The following ATP13A5 variants were observed in gnomAD, a reference collection of about 807,000 sequenced individuals.
The protein encoded by ATP13A5 is ATPase 13A5, also known as probable cation-transporting ATPase 13A5.
Under a neutral mutation model 150.2 loss-of-function variants are expected in ATP13A5, and 149 were observed. That is an observed-to-expected ratio of 0.99 (90% CI 0.87 to 1.14). ATP13A5 has a LOEUF of 1.14. Ranked by LOEUF, ATP13A5 falls within the 50% of genes most tolerant of loss-of-function variation. ATP13A5 has a pLI of 0.00. For synonymous variants in ATP13A5, 497 were observed against 522.2 expected (o/e 0.95, Z 0.66); for missense variants, 1,383 against 1,449.3 (o/e 0.95, Z 0.74).
At chr3:193,276,129 G>A (rs1329046538) in intron 29 of ATP13A5, among the ~76,000 whole-genome samples, 4 of 151,878 alleles carry the variant, frequency 2.6e-5, no homozygotes, top group Admixed American at 2.6e-4. Flanking sequence ...TATATAATGA[G>A]GTGTATATAT....
chr3:193,303,993 G>A (rs1718513549), intron 23 of ATP13A5, among the ~76,000 whole-genome samples: 1 of 151,834 alleles, frequency 6.6e-6, no homozygotes, highest in Non-Finnish European at 1.5e-5. Flanking sequence ...AAGCACACTT[G>A]TAAAGAGCTC....
At chr3:193,372,028 C>T (rs189074074) in intron 1 of ATP13A5, among the ~76,000 whole-genome samples, 4 of 151,884 alleles carry the variant, frequency 2.6e-5, no homozygotes, top group East Asian at 3.9e-4. Context: ...CTGGCAGGTG[C>T]GGTGGCTCAC....
chr3:193,305,180 A>G (rs1424473147), intron 23 of ATP13A5, among the ~76,000 whole-genome samples: 1 of 152,178 alleles, frequency 6.6e-6, no homozygotes, highest in Non-Finnish European at 1.5e-5. Context: ...GTATTTAGGG[A>G]AGCTATCTAA....
intron 1 of ATP13A5, among the ~76,000 whole-genome samples, chr3:193,374,605 A>G (rs1713572762): frequency 1.4e-5 from 2 of 147,712 alleles, no homozygotes; most frequent in Admixed American, 1.4e-4. Flanking sequence ...TGATCACACC[A>G]CTGCACTCCA....
intron 28 of ATP13A5, 74 bp from the exon 29 acceptor site, chr3:193,276,904 AT>A (rs1717242292): frequency 1.3e-5 from 14 of 1,103,164 alleles, no homozygotes; most frequent in Non-Finnish European, 1.8e-5. Flanking sequence ...TAATTATTTA[AT>A]TTATAGATTT....
At chr3:193,304,211 T>C (rs1718521777) in intron 23 of ATP13A5, among the ~76,000 whole-genome samples, 1 of 152,064 alleles carries the variant, frequency 6.6e-6, no homozygotes, top group Non-Finnish European at 1.5e-5. Context: ...ACTCTAAGGG[T>C]CTGAACCTCA....
intron 25 of ATP13A5, among the ~76,000 whole-genome samples, chr3:193,297,161 T>G (rs1043828340): frequency 1.3e-5 from 2 of 151,966 alleles, no homozygotes; most frequent in East Asian, 1.9e-4. Context: ...TAAAAATAAG[T>G]CCTTTCTTCT....
intron 17 of ATP13A5, among the ~76,000 whole-genome samples, chr3:193,316,889 A>G (rs553750485): frequency 1.3e-5 from 2 of 152,342 alleles, no homozygotes; most frequent in South Asian, 4.1e-4. Flanking sequence ...AAAATGGATT[A>G]AACACTTAAA....
chr3:193,348,914 C>T (rs185684514), intron 7 of ATP13A5, among the ~76,000 whole-genome samples: 15 of 152,252 alleles, frequency 9.9e-5, no homozygotes, highest in Non-Finnish European at 1.5e-5. Flanking sequence ...GGGCTAAGGC[C>T]ACTGTTACTG....
chr3:193,364,839 T>G (rs1220493888), intron 1 of ATP13A5, among the ~76,000 whole-genome samples: 3 of 152,182 alleles, frequency 2.0e-5, no homozygotes, highest in Non-Finnish European at 4.4e-5. Flanking sequence ...AAGGAATTAC[T>G]CGTGGATATG....
chr3:193,308,355 A>G (rs1241911667), intron 21 of ATP13A5, among the ~76,000 whole-genome samples: 4 of 152,082 alleles, frequency 2.6e-5, no homozygotes, highest in African/African-American at 7.2e-5. Context: ...GCTACTTGGG[A>G]GGCTGAGGCA....
In ATP13A5 at chr3:193,364,287, A is replaced by C; in HGVS notation, c.64-7T>G. 1 of 1,602,406 alleles carries C rather than the reference A, an allele frequency of 6.2e-7. No homozygotes were observed. Among genetic ancestry groups the C allele is most frequent in the Non-Finnish European group, 8.5e-7 (1 of 1,174,356 alleles). On this transcript the variant is annotated splice_polypyrimidine_tract_variant and splice_region_variant and intron_variant, in intron 1 of 29. Transcript: ENST00000342358. ...CCCGGTAACCAAACACCTCCTGGAG[A>C]ATAAATTTAAAAGATCGCTCTATTT...
intron 13 of ATP13A5, among the ~76,000 whole-genome samples, chr3:193,326,177 C>T (rs976979574): frequency 1.3e-5 from 2 of 152,174 alleles, no homozygotes; most frequent in Admixed American, 1.3e-4. Flanking sequence ...CTGTTGGCAC[C>T]AAAATAGGGT....
chr3:193,296,209 A>G (rs527601922), intron 25 of ATP13A5, among the ~76,000 whole-genome samples: 1 of 152,186 alleles, frequency 6.6e-6, no homozygotes, highest in South Asian at 2.1e-4. Context: ...GAATCCTGAG[A>G]AGTCAGAGGG....
intron 23 of ATP13A5, among the ~76,000 whole-genome samples, chr3:193,303,174 A>G (rs1718471552): frequency 6.6e-6 from 1 of 152,192 alleles, no homozygotes. Flanking sequence ...CTTCTAGCCC[A>G]GTTGCACCAA....
intron 5 of ATP13A5, among the ~76,000 whole-genome samples, chr3:193,359,239 G>A (rs778510193): frequency 7.2e-5 from 11 of 152,072 alleles, no homozygotes; most frequent in Non-Finnish European, 1.2e-4. Context: ...CTGATCTGAT[G>A]GCTGAGTATC....
chr3:193,333,580 C>T (rs2108874640), intron 11 of ATP13A5, among the ~76,000 whole-genome samples, 170 bp downstream of exon 11: 1 of 152,322 alleles, frequency 6.6e-6, no homozygotes, highest in South Asian at 2.1e-4. Flanking sequence ...ATTACCTAAA[C>T]ACTGGGGGCA....
intron 1 of ATP13A5, among the ~76,000 whole-genome samples, chr3:193,374,505 T>C (rs1713569652): frequency 6.6e-6 from 1 of 151,974 alleles, no homozygotes; most frequent in African/African-American, 2.4e-5. Context: ...ATTAACCAGC[T>C]GTTGTAGCGC....
intron 9 of ATP13A5, among the ~76,000 whole-genome samples, chr3:193,341,476 A>C (rs1712125452): frequency 6.6e-6 from 1 of 152,178 alleles, no homozygotes; most frequent in Admixed American, 6.5e-5. Flanking sequence ...TCCCTGAGAG[A>C]AGAGGTGTGC....
Sources: allele counts gnomAD v4.1 joint callset (sites outside exome capture counted in the v4.1 genomes callset), GRCh38; gene constraint gnomAD v4.1.1; transcripts MANE v1.5; gene names NCBI Gene and HGNC (gene_info 2026-07-23, HGNC 2026-07-21).